Variants in TIAM2 observed in about 807,000 individuals in gnomAD.
TIAM2 encodes the protein rho guanine nucleotide exchange factor TIAM2.
A neutral mutation model predicts 152.9 loss-of-function variants in TIAM2; 80 were observed. The observed-to-expected ratio is 0.52, with a 90% CI of 0.44 to 0.63. The LOEUF (loss-of-function observed/expected upper bound fraction) is 0.63. Among genes scored for constraint, TIAM2 ranks in the 30% least tolerant of loss-of-function variants. TIAM2 has a pLI of 0.00. For missense variants in TIAM2, 1,965 were observed against 2,120.1 expected, an observed-to-expected ratio of 0.93 and a Z score of 1.44; for synonymous variants, 804 against 838.0, an observed-to-expected ratio of 0.96 and a Z score of 0.70.
Position 155,251,936 on chromosome 6 carries a change from TTTC to T in TIAM2, c.4061-6_4061-4del. 6.3e-7 allele frequency: 1 copy of T among 1,598,280 alleles called. No individual in the cohort carries two copies. The highest frequency in any genetic ancestry group is 8.5e-7 in the Non-Finnish European group (1 of 1,171,384). ...AATAAAGACTTTCTTTCTCTTTTCC[TTTC>T]TTTAGTTTTTAAGAGAGCCGTCATA... On this transcript the variant is annotated splice_polypyrimidine_tract_variant and splice_region_variant and intron_variant, in intron 22 of 26. Coordinates refer to ENST00000682666, the MANE Select transcript of TIAM2 (RefSeq NM_012454.4).
At chr6:155,074,457 C>G (rs973750632) in intron 1 of TIAM2, among the ~76,000 whole-genome samples, 15 of 152,070 alleles carry the variant, frequency 9.9e-5, no homozygotes, top group African/African-American at 3.6e-4. Context: ...AAGGGATTCT[C>G]CTGCCTCAGT....
rs759590096 is a variant in TIAM2 at position 155,256,853 on chromosome 6, C to T, written c.4838C>T (p.Pro1613Leu). Residue 1613 changes from proline (P) to leucine (L), a missense_variant, in exon 27 of 27, where the codon CCG (proline) becomes CTG (leucine). Physicochemically the swap from Pro to Leu is moderately conservative, Grantham distance 98. Around this residue, in one of 3 missense-constraint regions of TIAM2, gnomAD observed 935 missense variants for 980.0 expected, o/e 0.95. Transcript: ENST00000682666. ...CCCGAGGCTGAGCAGCAGCCTGGCCCGGAGTCGGGTGAGGGTCAGAAAGGA... is the reference window on the plus strand; with the variant it reads ...CCCGAGGCTGAGCAGCAGCCTGGCCTGGAGTCGGGTGAGGGTCAGAAAGGA... ...VHPEAEQQPG[P>L]ESGEGQKGGE... 4.4e-5 allele frequency: 71 copies of T among 1,614,036 alleles called. No homozygotes were observed. The highest frequency in any genetic ancestry group is 5.3e-5 in the African/African-American group (4 of 74,914).
chr6:155,001,388 T>C (rs1245312552), intron 1 of TIAM2, among the ~76,000 whole-genome samples: 4 of 152,222 alleles, frequency 2.6e-5, no homozygotes, highest in Non-Finnish European at 5.9e-5. Context: ...TAGCATGCCC[T>C]TAATTGTAAA....
intron 2 of TIAM2, among the ~76,000 whole-genome samples, chr6:155,100,862 C>A (rs945515367): frequency 6.6e-6 from 1 of 151,998 alleles, no homozygotes; most frequent in Non-Finnish European, 1.5e-5. Flanking sequence ...GAAACTGAGG[C>A]GCAGAGAAAT....
At chr6:155,102,766 ATT>A (rs1491581884) in intron 2 of TIAM2, among the ~76,000 whole-genome samples, 1 of 101,950 alleles carries the variant, frequency 9.8e-6, no homozygotes. Context: ...GGATTAATTT[ATT>A]GTGTGTGTGT....
chr6:155,097,957 G>A (rs956493030), intron 2 of TIAM2, among the ~76,000 whole-genome samples: 15 of 152,244 alleles, frequency 9.9e-5, no homozygotes, highest in African/African-American at 3.6e-4. Flanking sequence ...TCAAAGATGA[G>A]TTGGTTATAA....
At chr6:155,021,509 G>A (rs754997636) in intron 1 of TIAM2, among the ~76,000 whole-genome samples, 11 of 152,118 alleles carry the variant, frequency 7.2e-5, no homozygotes, top group Admixed American at 2.0e-4. Context: ...TGATCCGCCC[G>A]CTGCAGCCTC....
intron 1 of TIAM2, among the ~76,000 whole-genome samples, chr6:155,015,484 T>C (rs1583150543): frequency 6.6e-6 from 1 of 151,976 alleles, no homozygotes; most frequent in East Asian, 1.9e-4. Flanking sequence ...CAAAGAAGGA[T>C]GTGCAAAGAG....
chr6:155,078,475 C>T (rs1350846302), intron 1 of TIAM2, among the ~76,000 whole-genome samples: 3 of 152,230 alleles, frequency 2.0e-5, no homozygotes, highest in Non-Finnish European at 4.4e-5. Context: ...TGGTGCTTCT[C>T]TGTGTCTTTT....
chr6:155,057,797 C>T (rs1583171318), intron 1 of TIAM2, among the ~76,000 whole-genome samples: 2 of 151,908 alleles, frequency 1.3e-5, no homozygotes, highest in South Asian at 2.1e-4. Context: ...CCACCTGCCT[C>T]GGACTCCCAA....
At chr6:155,123,447 T>A (rs1459246516) in intron 2 of TIAM2, among the ~76,000 whole-genome samples, 1 of 152,220 alleles carries the variant, frequency 6.6e-6, no homozygotes, top group Non-Finnish European at 1.5e-5. Flanking sequence ...AGGTGTCTAT[T>A]GAGTGCTTAT....
intron 15 of TIAM2, among the ~76,000 whole-genome samples, chr6:155,219,501 C>T (rs1376865287): frequency 1.3e-5 from 2 of 152,210 alleles, no homozygotes; most frequent in Non-Finnish European, 2.9e-5. Flanking sequence ...TTCTGCCTCT[C>T]TAACGCCACA....
At chr6:155,153,458 A>T (rs1345844199) in intron 7 of TIAM2, among the ~76,000 whole-genome samples, 1 of 151,992 alleles carries the variant, frequency 6.6e-6, no homozygotes, top group East Asian at 1.9e-4. Flanking sequence ...GAAAAAAAAA[A>T]GAAATTCTAC....
At chr6:155,251,407 C>T (rs989415726) in intron 22 of TIAM2, among the ~76,000 whole-genome samples, 6 of 152,178 alleles carry the variant, frequency 3.9e-5, no homozygotes, top group African/African-American at 1.4e-4. Flanking sequence ...CTGCCTAAGC[C>T]TCCTGAGTAG....
intron 6 of TIAM2, among the ~76,000 whole-genome samples, chr6:155,147,902 G>A (rs1277728741): frequency 6.6e-6 from 1 of 152,220 alleles, no homozygotes; most frequent in Non-Finnish European, 1.5e-5. Context: ...CCTAGTCAGA[G>A]CTCCATGATG....
At chr6:155,026,626 A>G (rs1245342167) in intron 1 of TIAM2, among the ~76,000 whole-genome samples, 9 of 152,222 alleles carry the variant, frequency 5.9e-5, no homozygotes, top group Non-Finnish European at 1.3e-4. Flanking sequence ...TGACTCATCC[A>G]TGACTCACAT....
intron 7 of TIAM2, among the ~76,000 whole-genome samples, chr6:155,155,665 G>A (rs1780088186): frequency 1.3e-5 from 2 of 151,980 alleles, no homozygotes; most frequent in Non-Finnish European, 2.9e-5. Flanking sequence ...TGTAGAGACG[G>A]GGTTTTGCCA....
At chr6:155,050,836 C>T (rs886668730) in intron 1 of TIAM2, among the ~76,000 whole-genome samples, 1 of 152,148 alleles carries the variant, frequency 6.6e-6, no homozygotes, top group Non-Finnish European at 1.5e-5. Context: ...ATTCCTTACC[C>T]AGATGTCCCA....
chr6:155,209,707 T>C (rs111503137), intron 14 of TIAM2, among the ~76,000 whole-genome samples: 25 of 152,258 alleles, frequency 1.6e-4, no homozygotes, highest in African/African-American at 5.3e-4. Flanking sequence ...CTGGATGAGA[T>C]TAGGGTGTCG....
Sources: allele counts gnomAD v4.1 joint callset (sites outside exome capture counted in the v4.1 genomes callset), GRCh38; gene constraint gnomAD v4.1.1; regional missense constraint gnomAD v4.1.1; transcripts MANE v1.5; gene names NCBI Gene and HGNC (gene_info 2026-07-23, HGNC 2026-07-21).